The following CLN6 variants were observed in gnomAD, a reference collection of about 807,000 sequenced individuals.
The protein encoded by CLN6 is CLN6 transmembrane ER protein.
Under a neutral mutation model 33.3 loss-of-function variants are expected in CLN6, and 22 were observed. The ratio of observed to expected loss-of-function variants is 0.66; its 90% CI spans 0.47 to 0.94. CLN6 has a LOEUF of 0.94. CLN6 is among the 40% of genes least tolerant of loss of function. The pLI, the probability that CLN6 is intolerant of heterozygous loss-of-function variation, is 0.00. For missense variants in CLN6, 387 were observed against 417.1 expected, an observed-to-expected ratio of 0.93 and a Z score of 0.63; for synonymous variants, 201 against 174.6, an observed-to-expected ratio of 1.15 and a Z score of -1.19.
intron 1 of CLN6, among the ~76,000 whole-genome samples, chr15:68,237,951 C>T (rs1275556399): frequency 2.0e-5 from 3 of 150,892 alleles, no homozygotes; most frequent in Admixed American, 6.6e-5. Context: ...GGTGAAACCC[C>T]GTCTCTACTA....
At chr15:68,221,227 C>T (rs2093234836) in intron 1 of CLN6, among the ~76,000 whole-genome samples, 1 of 132,518 alleles carries the variant, frequency 7.5e-6, no homozygotes, top group African/African-American at 2.8e-5. Flanking sequence ...TCCCCCCTCC[C>T]CCAACCCTCC....
intron 1 of CLN6, among the ~76,000 whole-genome samples, chr15:68,243,637 C>T (rs1362641719): frequency 1.3e-5 from 2 of 151,912 alleles, no homozygotes; most frequent in Non-Finnish European, 2.9e-5. Flanking sequence ...CACCTGTAAT[C>T]CCAGCTACTC....
upstream of CLN6, among the ~76,000 whole-genome samples, chr15:68,230,106 T>C (rs2093265791): frequency 6.6e-6 from 1 of 152,144 alleles, no homozygotes; most frequent in South Asian, 2.1e-4. This position sits in a 1 kb window ranked among gnomAD's most constrained non-coding sequence, Gnocchi z 4.0. Flanking sequence ...CCTGCACGTG[T>C]AGCACCCGCG....
intron 2 of CLN6, chr15:68,214,634 T>C: frequency 2.1e-6 from 1 of 484,600 alleles, no homozygotes; most frequent in Admixed American, 3.1e-5. Flanking sequence ...GCAGATGCAA[T>C]TCCAGTCAAG....
intron 1 of CLN6, among the ~76,000 whole-genome samples, chr15:68,252,613 C>T (rs1325742074): frequency 2.6e-5 from 4 of 152,146 alleles, no homozygotes; most frequent in African/African-American, 9.7e-5. Flanking sequence ...GAAGTTCTTG[C>T]ACAAGCATAA....
intron 1 of CLN6, among the ~76,000 whole-genome samples, chr15:68,249,666 G>A (rs1238139983): frequency 6.6e-6 from 1 of 152,168 alleles, no homozygotes; most frequent in African/African-American, 2.4e-5. Flanking sequence ...GGTGGGTGAG[G>A]GGATGGAGAG....
chr15:68,251,529 G>T (rs1251914603), intron 1 of CLN6, among the ~76,000 whole-genome samples: 1 of 152,024 alleles, frequency 6.6e-6, no homozygotes, highest in East Asian at 1.9e-4. Flanking sequence ...ACAAAAATTA[G>T]CTGGATATGG....
In CLN6 at chr15:68,254,161, G is replaced by A. The variant is rs533372096; in HGVS notation, c.179+2529C>T. 9.8e-4 allele frequency among the ~76,000 whole-genome samples: 149 copies of A among 151,612 alleles called. 1 individual carries two copies. The highest frequency in any genetic ancestry group is 6.3e-4 in the Non-Finnish European group (43 of 67,868). ...CCCAAAGTGCTGGGATTACAGGCGT[G>A]AGCCACCGCGCCCGGCCAAAACTAC... On this transcript the variant is annotated intron_variant, in intron 1 of 6. Coordinates refer to the CLN6 transcript ENST00000538696.
Position 68,247,449 on chromosome 15 carries a change from A to T in CLN6, c.179+9241T>A, listed in dbSNP as rs2141164819. ...AACAAACAACAACAACAACAACAAA[A>T]CCTAGGAATAAATTTAACCGAAGAG... On this transcript the variant is annotated intron_variant, in intron 1 of 6. Coordinates refer to the CLN6 transcript ENST00000538696. This position sits in a 1 kb window ranked among gnomAD's most constrained non-coding sequence, Gnocchi z 4.2. Among the ~76,000 whole-genome samples, 1 of 152,220 alleles carries T rather than the reference A, an allele frequency of 6.6e-6. No individual in the cohort carries two copies. Among genetic ancestry groups the T allele is most frequent in the East Asian group, 1.9e-4 (1 of 5,188 alleles).
In CLN6 at chr15:68,234,909, C is replaced by T. The variant is rs745834736; in HGVS notation, c.180-16259G>A. Among the ~76,000 whole-genome samples, 8 of 152,036 alleles carry T rather than the reference C, an allele frequency of 5.3e-5. No individual in the cohort carries two copies. The highest frequency in any genetic ancestry group is 1.0e-4 in the Non-Finnish European group (7 of 68,012). ...GCAGGTGCCTGTAATCCCAGCTACT[C>T]GGGAGGCTGAGGCAGGAGAATTGCT... is the stretch of plus-strand genomic sequence containing the variant. On this transcript the variant is annotated intron_variant, in intron 1 of 6. Coordinates refer to the CLN6 transcript ENST00000538696. The surrounding 1 kb of genome is among the most constrained non-coding windows in gnomAD (Gnocchi z 4.1).
intron 1 of CLN6, among the ~76,000 whole-genome samples, 172 bp downstream of exon 1, chr15:68,229,330 G>T (rs1192968028): frequency 6.6e-6 from 1 of 152,176 alleles, no homozygotes; most frequent in African/African-American, 2.4e-5. Flanking sequence ...AAGGAAACGC[G>T]GGGGCACCGC....
In CLN6 at chr15:68,228,958, G is replaced by A. The variant is rs547846808; in HGVS notation, c.83+544C>T. ...GGGCTCCTCATTCATTCTCTGGACG[G>A]CAGCTTCCGCCCTTCCCCGCTGTCT... On this transcript the variant is annotated intron_variant, in intron 1 of 6. Transcript: ENST00000249806. The surrounding 1 kb of genome is among the most constrained non-coding windows in gnomAD (Gnocchi z 4.4). Among the ~76,000 whole-genome samples the A allele has an allele frequency of 7.9e-5, 12 of 152,208 alleles. No individual in the cohort carries two copies. The East Asian group carries it at 2.1e-3, about 27-fold the overall frequency.
rs117170222 is a variant in CLN6, at chr15:68,209,154, C to A, written c.665+483G>T. On this transcript the variant is annotated intron_variant, in intron 6 of 6. Coordinates refer to ENST00000249806, the MANE Select transcript of CLN6 (RefSeq NM_017882.3). The surrounding 1 kb of genome is among the most constrained non-coding windows in gnomAD (Gnocchi z 4.9). The stretch of plus-strand genomic sequence containing the variant: ...AAAGACCCAAGGCCAGAAGCCCCTA[C>A]GCCATGAAACCCCCCAGTCTGGCCT... 6.6e-6 allele frequency among the ~76,000 whole-genome samples: 1 copy of A among 152,186 alleles called. No individual in the cohort carries two copies. Among genetic ancestry groups the A allele is most frequent in the Non-Finnish European group, 1.5e-5 (1 of 68,022 alleles).
At position 68,246,393 on chromosome 15, in the gene CLN6, C is replaced by T. The variant is rs373019015; in HGVS notation, c.179+10297G>A. Among the ~76,000 whole-genome samples the T allele has an allele frequency of 3.9e-5, 6 of 152,120 alleles. No homozygotes were observed. In the South Asian group the frequency reaches 1.0e-3, roughly 26 times the overall value. ...ATTTTCTGGCCACAATGGAATAAAA[C>T]TGGAAATCAATAACAACAGGGATCT... On this transcript the variant is annotated intron_variant, in intron 1 of 6. Transcript: ENST00000538696. This position sits in a 1 kb window ranked among gnomAD's most constrained non-coding sequence, Gnocchi z 4.5.
At position 68,228,497 on chromosome 15, in the gene CLN6, C is replaced by T. The variant is rs1423634858; in HGVS notation, c.83+1005G>A. 6.6e-6 allele frequency among the ~76,000 whole-genome samples: 1 copy of T among 152,178 alleles called. No individual in the cohort carries two copies. Among genetic ancestry groups the T allele is most frequent in the Non-Finnish European group, 1.5e-5 (1 of 68,036 alleles). ...AGTTTTGCAATCTAGGTCCTCAACT[C>T]GAGTCCTAGACTTGCTGCAATTAAA... is the stretch of plus-strand genomic sequence containing the variant. On this transcript the variant is annotated intron_variant, in intron 1 of 6. Coordinates refer to ENST00000249806, the MANE Select transcript of CLN6 (RefSeq NM_017882.3). The surrounding 1 kb of genome is among the most constrained non-coding windows in gnomAD (Gnocchi z 4.4).
At position 68,209,328 on chromosome 15, in the gene CLN6, C is replaced by T. The variant is rs2093197645; in HGVS notation, c.665+309G>A. The stretch of plus-strand genomic sequence containing the variant: ...GGCTTGGTGTCGGAGGTGGATTGTA[C>T]CGGCCCCAGGGCAACACTGGGGTTC... On this transcript the variant is annotated intron_variant, in intron 6 of 6. Coordinates refer to ENST00000249806, the MANE Select transcript of CLN6 (RefSeq NM_017882.3). This position sits in a 1 kb window ranked among gnomAD's most constrained non-coding sequence, Gnocchi z 4.9. Among the ~76,000 whole-genome samples the T allele has an allele frequency of 6.6e-6, 1 of 152,184 alleles. No homozygotes were observed. The highest frequency in any genetic ancestry group is 1.5e-5 in the Non-Finnish European group (1 of 68,038).
chr15:68,249,665 G>A (rs1226447228), intron 1 of CLN6, among the ~76,000 whole-genome samples: 1 of 152,192 alleles, frequency 6.6e-6, no homozygotes, highest in Non-Finnish European at 1.5e-5. Flanking sequence ...GGGTGGGTGA[G>A]GGGATGGAGA....
chr15:68,234,262 A>G (rs1892196015), upstream of CLN6, among the ~76,000 whole-genome samples: 1 of 152,128 alleles, frequency 6.6e-6, no homozygotes, highest in Non-Finnish European at 1.5e-5. This position sits in a 1 kb window ranked among gnomAD's most constrained non-coding sequence, Gnocchi z 4.1. Context: ...AGCAGCTCCC[A>G]AGTTTATCTT....
At position 68,217,290 on chromosome 15, in the gene CLN6, G is replaced by A. The variant is rs561621548; in HGVS notation, c.198+1246C>T. On this transcript the variant is annotated intron_variant, in intron 2 of 6. Coordinates refer to ENST00000249806, the MANE Select transcript of CLN6 (RefSeq NM_017882.3). Reference sequence around the variant, plus strand: ...TGTGTTGCCCAGGCTGGAGTGCAGCGGTGTGATCACGGCTCACTGCAGCCT... The same window carrying A: ...TGTGTTGCCCAGGCTGGAGTGCAGCAGTGTGATCACGGCTCACTGCAGCCT... Among the ~76,000 whole-genome samples the A allele has an allele frequency of 1.9e-4, 29 of 152,204 alleles. No individual in the cohort carries two copies. In the South Asian group the frequency reaches 3.9e-3, roughly 21 times the overall value.
Sources: gnomAD v4.1 joint callset for allele counts (sites outside exome capture counted in the v4.1 genomes callset) on GRCh38, gnomAD v4.1.1 for gene constraint, Gnocchi (gnomAD v3.1) non-coding constraint, MANE v1.5 for transcripts, NCBI Gene and HGNC (gene_info 2026-07-23, HGNC 2026-07-21) for gene names.